The following STIP1 variants were observed in gnomAD, a reference collection of about 807,000 sequenced individuals.
STIP1 encodes stress induced phosphoprotein 1.
Under a neutral mutation model 77.4 loss-of-function variants are expected in STIP1, and 16 were observed. That is an observed-to-expected ratio of 0.21 (90% CI 0.14 to 0.31). The LOEUF is 0.31. STIP1 is among the 10% of genes least tolerant of loss of function. The pLI, the probability that STIP1 is intolerant of heterozygous loss-of-function variation, is 1.00. For missense variants in STIP1, 524 were observed against 684.8 expected (o/e 0.77, Z 2.62); for synonymous variants, 258 against 246.6 (o/e 1.05, Z -0.44).
Position 64,203,955 on chromosome 11 carries a change from C to T in STIP1, c.1560-99C>T, listed in dbSNP as rs559218690. 65 of 1,421,972 alleles carry T rather than the reference C, an allele frequency of 4.6e-5. 1 individual carries two copies. The African/African-American group carries it at 6.0e-4, about 13-fold the overall frequency. 88.1% of individuals were successfully genotyped at this position (1,421,972 alleles called of 1,614,324 possible). On this transcript the variant is annotated intron_variant, in intron 13 of 13. Coordinates refer to ENST00000305218, the MANE Select transcript of STIP1 (RefSeq NM_006819.3). ...GGGCCTCGCCAGGACCCCTCCCTGC[C>T]GGGGCCTTCTGTAGAGGGGGTTGAA...
At chr11:64,188,992 G>C (rs1437976689) in intron 1 of STIP1, among the ~76,000 whole-genome samples, 1 of 152,202 alleles carries the variant, frequency 6.6e-6, no homozygotes, top group East Asian at 1.9e-4. Flanking sequence ...CGAGGTGGGC[G>C]GATCATGAGG....
chr11:64,186,393 C>CGGGGCGGCGGCGGGGAGGTG (rs1565276076), intron 1 of STIP1, 123 bp downstream of exon 1: 1 of 137,776 alleles, frequency 7.3e-6, no homozygotes, highest in East Asian at 2.7e-4. Context: ...TGGGGCCGGA[C>CGGGGCGGCGGCGGGGAGGTG]GGGGCGGCGG....
chr11:64,204,142 C>G lies in STIP1; in HGVS notation c.*16C>G, dbSNP rs755399481. 1 of 1,614,062 alleles carries G rather than the reference C, an allele frequency of 6.2e-7. No homozygotes were observed. Among genetic ancestry groups the G allele is most frequent in the Middle Eastern group, 1.6e-4 (1 of 6,062 alleles). ...AATTCGGTGATGACTTGTTCATCCC[C>G]CCTTCCCTTCGCCCTCATGTGGAAA... is the stretch of plus-strand genomic sequence containing the variant. On this transcript the variant is annotated 3_prime_UTR_variant, in exon 14 of 14. Transcript: ENST00000305218.
intron 2 of STIP1, 36 bp downstream of exon 2, chr11:64,193,323 A>G: frequency 6.2e-7 from 1 of 1,605,350 alleles, no homozygotes; most frequent in Non-Finnish European, 8.5e-7. Context: ...GAGGCCCTTC[A>G]GACCCTTCCA....
chr11:64,202,922 T>G lies in STIP1; in HGVS notation c.1282+10T>G, dbSNP rs764695125. 19 of 1,614,102 alleles carry G rather than the reference T, an allele frequency of 1.2e-5. No homozygotes were observed. Among genetic ancestry groups the G allele is most frequent in the Non-Finnish European group, 1.6e-5 (19 of 1,180,048 alleles). On this transcript the variant is annotated intron_variant, in intron 11 of 13. Transcript: ENST00000305218. Reference sequence around the variant, plus strand: ...CTGGAGCCGACCTTCAGTAAGTGCCTTTCTGCTGCCTGTCCCCTGTCTCTA... The same window carrying G: ...CTGGAGCCGACCTTCAGTAAGTGCCGTTCTGCTGCCTGTCCCCTGTCTCTA...
In STIP1 at chr11:64,194,277, C is replaced by G; in HGVS notation, c.308C>G (p.Ala103Gly). ...RTYEEGLKHE[A>G]NNPQLKEGLQ... is the part of the protein sequence containing the mutation. ...TATGAGGAGGGCTTAAAACACGAGG[C>G]AAATAACCCTCAACTGAAAGAGGGT... Residue 103 changes from alanine to glycine, a missense_variant, in exon 3 of 14, where the codon GCA becomes GGA. Physicochemically the swap from Ala to Gly is moderately conservative, Grantham distance 60. Transcript: ENST00000305218. 6.2e-7 allele frequency: 1 copy of G among 1,614,190 alleles called. No individual in the cohort carries two copies. The highest frequency in any genetic ancestry group is 8.5e-7 in the Non-Finnish European group (1 of 1,180,038).
At chr11:64,190,601 C>A (rs1368712379) in intron 1 of STIP1, among the ~76,000 whole-genome samples, 6 of 152,186 alleles carry the variant, frequency 3.9e-5, no homozygotes, top group Admixed American at 3.9e-4. Flanking sequence ...AGCCTAAAAT[C>A]ATTTCTCTTG....
rs11231722 is a variant in STIP1 at position 64,200,298 on chromosome 11, C to G, written c.1245+5C>G. On this transcript the variant is annotated splice_donor_5th_base_variant and intron_variant, in intron 10 of 13. Transcript: ENST00000305218. ...GAGTTCCAGCTGGCACTCAAGGTGACGAGACCTGTGGGGGCGGCCATTACT... is the reference window on the plus strand; with the variant it reads ...GAGTTCCAGCTGGCACTCAAGGTGAGGAGACCTGTGGGGGCGGCCATTACT... 0.42 allele frequency: 667,553 copies of G among 1,606,126 alleles called. 140,613 individuals are homozygous for G. Among genetic ancestry groups the G allele is most frequent in the Admixed American group, 0.55 (31,906 of 57,834 alleles).
intron 1 of STIP1, among the ~76,000 whole-genome samples, chr11:64,192,522 C>T (rs563978182): frequency 2.0e-5 from 3 of 152,234 alleles, no homozygotes; most frequent in East Asian, 3.9e-4. Context: ...GACATGTTGC[C>T]ACACCAGGAA....
chr11:64,186,220 C>G lies in STIP1; in HGVS notation c.-42C>G. 1 of 1,549,386 alleles carries G rather than the reference C, an allele frequency of 6.5e-7. No individual in the cohort carries two copies. The highest frequency in any genetic ancestry group is 1.4e-5 in the African/African-American group (1 of 72,988). Reference sequence around the variant, plus strand: ...GGCGCGTGCGGTTGGGAACGCGGAGCGGACGGATTCGATTCAACGGGGTTC... The same window carrying G: ...GGCGCGTGCGGTTGGGAACGCGGAGGGGACGGATTCGATTCAACGGGGTTC... On this transcript the variant is annotated 5_prime_UTR_variant, in exon 1 of 14. Transcript: ENST00000305218.
chr11:64,197,179 TA>T, intron 5 of STIP1, 91 bp from the exon 6 acceptor site: 1 of 1,534,586 alleles, frequency 6.5e-7, no homozygotes, highest in Non-Finnish European at 8.9e-7. Flanking sequence ...CTATTCATGT[TA>T]GTTGCATTTC....
Position 64,186,172 on chromosome 11 carries a change from G to T in STIP1, c.-90G>T, listed in dbSNP as rs1056896352. ...AGGGGCGGGAGCCGGGGTCCCGGTA[G>T]CTTCTAGTAGGTTCCAGAAGGCGGC... On this transcript the variant is annotated 5_prime_UTR_variant, in exon 1 of 14. Transcript: ENST00000305218. 1.9e-6 allele frequency: 3 copies of T among 1,550,340 alleles called. No individual in the cohort carries two copies. Among genetic ancestry groups the T allele is most frequent in the East Asian group, 2.4e-5 (1 of 41,002 alleles).
At chr11:64,203,915 G>A in intron 13 of STIP1, 139 bp from the exon 14 acceptor site, 1 of 1,025,726 alleles carries the variant, frequency 9.7e-7, no homozygotes, top group Non-Finnish European at 1.5e-6. Flanking sequence ...GCAGGCCTCT[G>A]CAGCTCGGCG....
chr11:64,193,712 G>T (rs2134791181), intron 2 of STIP1, among the ~76,000 whole-genome samples: 1 of 152,264 alleles, frequency 6.6e-6, no homozygotes, highest in Non-Finnish European at 1.5e-5. Flanking sequence ...ACCTGAGCCT[G>T]GCAAGCGGAG....
At chr11:64,198,107 G>A in intron 8 of STIP1, 133 bp downstream of exon 8, 1 of 1,285,732 alleles carries the variant, frequency 7.8e-7, no homozygotes, top group South Asian at 1.6e-5. Flanking sequence ...CACCCAGGCT[G>A]AAAGACAGTG....
At chr11:64,186,324 GCCA>G in intron 1 of STIP1, 54 bp downstream of exon 1, 2 of 360,724 alleles carry the variant, frequency 5.5e-6, no homozygotes, top group South Asian at 2.6e-5. Flanking sequence ...ACCGGCGGTG[GCCA>G]GGCCGCGGTA....
At chr11:64,185,568 G>C, upstream of STIP1, 1 of 541,726 alleles carries the variant, frequency 1.8e-6, no homozygotes, top group Non-Finnish European at 3.3e-6. Context: ...CGGGCGAAGG[G>C]CTGGGGCCCT....
At position 64,186,213 on chromosome 11, in the gene STIP1, C is replaced by G; in HGVS notation, c.-49C>G. ...AGAAGGCGGCGCGTGCGGTTGGGAA[C>G]GCGGAGCGGACGGATTCGATTCAAC... On this transcript the variant is annotated 5_prime_UTR_variant, in exon 1 of 14. Transcript: ENST00000305218. 1 of 1,550,606 alleles carries G rather than the reference C, an allele frequency of 6.4e-7. No homozygotes were observed.
chr11:64,197,685 G>T (rs1565281446), intron 7 of STIP1, 90 bp downstream of exon 7: 1 of 1,566,596 alleles, frequency 6.4e-7, no homozygotes, highest in East Asian at 2.2e-5. Context: ...AGGGCTGCTG[G>T]CCATAGAATC....
Sources: gnomAD v4.1 joint callset for allele counts (sites outside exome capture counted in the v4.1 genomes callset) on GRCh38, gnomAD v4.1.1 for gene constraint, MANE v1.5 for transcripts, NCBI Gene and HGNC (gene_info 2026-07-23, HGNC 2026-07-21) for gene names.